The following NCKAP5 variants were observed in gnomAD, a reference collection of about 807,000 sequenced individuals.
The protein encoded by NCKAP5 is NCK associated protein 5.
A neutral mutation model predicts 167.0 loss-of-function variants in NCKAP5; 92 were observed. The ratio of observed to expected loss-of-function variants is 0.55; its 90% CI spans 0.47 to 0.66. The LOEUF is 0.66. Ranked by LOEUF, NCKAP5 falls within the 30% of genes least tolerant of loss-of-function variation. The pLI is 0.00. For missense variants in NCKAP5, 2,378 were observed against 2,315.0 expected (o/e 1.03, Z -0.56); for synonymous variants, 891 against 877.4 (o/e 1.02, Z -0.27).
intron 8 of NCKAP5, among the ~76,000 whole-genome samples, chr2:132,933,769 C>T (rs1225885927): frequency 6.6e-6 from 1 of 152,080 alleles, no homozygotes; most frequent in Non-Finnish European, 1.5e-5. Context: ...GGAGGCCAAC[C>T]TCATTATGAT....
At chr2:133,520,877 T>C (rs1353581588) in intron 2 of NCKAP5, among the ~76,000 whole-genome samples, 2 of 152,192 alleles carry the variant, frequency 1.3e-5, no homozygotes, top group African/African-American at 4.8e-5. Flanking sequence ...GGGCTGACAA[T>C]GGCAACAAGC....
intron 17 of NCKAP5, among the ~76,000 whole-genome samples, chr2:132,729,890 A>G (rs1690818313): frequency 6.6e-6 from 1 of 152,124 alleles, no homozygotes; most frequent in Non-Finnish European, 1.5e-5. Flanking sequence ...AGTGACTTCC[A>G]TTTTTCATAT....
At chr2:133,578,604 C>G in the NCKAP5 span, among the ~76,000 whole-genome samples, 3 of 152,238 alleles carry the variant, frequency 2.0e-5, no homozygotes, top group African/African-American at 7.2e-5. Context: ...CATACTCACT[C>G]CACAGTATCC....
In NCKAP5 at chr2:132,750,968, T is replaced by C. The variant is rs114600368; in HGVS notation, c.5129-18917A>G. On this transcript the variant is annotated intron_variant, in intron 16 of 19. Transcript: ENST00000409261. ...CAGAACATGCTAGGGCTTCAAAGGT[T>C]TGTGACAGCTACATCTGCTTAAATG... Among the ~76,000 whole-genome samples, 1,099 of 152,298 alleles carry C rather than the reference T, an allele frequency of 7.2e-3. 5 individuals carry two copies. Among genetic ancestry groups the C allele is most frequent in the Middle Eastern group, 0.014 (4 of 294 alleles).
chr2:133,169,484 T>C (rs10928442), intron 5 of NCKAP5, among the ~76,000 whole-genome samples: 21,516 of 152,170 alleles, frequency 0.14, 1,707 homozygotes, highest in East Asian at 0.39. Context: ...TCTCGCAGAG[T>C]GTCTCTGCCA....
At chr2:133,013,738 G>A (rs1356535913) in intron 6 of NCKAP5, among the ~76,000 whole-genome samples, 1 of 151,908 alleles carries the variant, frequency 6.6e-6, no homozygotes, top group African/African-American at 2.4e-5. Flanking sequence ...GCCATTAGAG[G>A]CCCTCTGGAC....
chr2:133,534,556 C>A (rs1001821036), intron 2 of NCKAP5, among the ~76,000 whole-genome samples: 2 of 152,166 alleles, frequency 1.3e-5, no homozygotes, highest in Non-Finnish European at 2.9e-5. Context: ...GATTTGTCTA[C>A]TCTGGACACT....
At chr2:133,472,606 C>G (rs1160462994) in intron 3 of NCKAP5, among the ~76,000 whole-genome samples, 2 of 152,090 alleles carry the variant, frequency 1.3e-5, no homozygotes, top group Admixed American at 1.3e-4. Context: ...CAAGCAAGGC[C>G]TTACCTCCCC....
chr2:132,784,898 A>C lies in NCKAP5; in HGVS notation c.1913T>G (p.Val638Gly), dbSNP rs765954784. 2.1e-5 allele frequency: 33 copies of C among 1,569,070 alleles called. No homozygotes were observed. The Admixed American group carries it at 5.9e-4, about 28-fold the overall frequency. The change falls in exon 14 of 20, where the codon GTG (valine) becomes GGG (glycine). Residue 638 changes from valine to glycine, a missense_variant. Transcript: ENST00000409261. The part of the protein sequence containing the change: ...CGSPEEEEKQ[V>G]PIPSETRPKT... Reference sequence around the variant, plus strand: ...TGGCCTAGTCTCTGAAGGGATGGGCACTTGTTTTTCCTCCTCTTCAGGAGA... The same window carrying C: ...TGGCCTAGTCTCTGAAGGGATGGGCCCTTGTTTTTCCTCCTCTTCAGGAGA...
At chr2:133,052,536 G>A (rs2079641028) in intron 6 of NCKAP5, among the ~76,000 whole-genome samples, 1 of 152,024 alleles carries the variant, frequency 6.6e-6, no homozygotes, top group Non-Finnish European at 1.5e-5. Context: ...TGGCCAAAAT[G>A]GCGAAAACTC....
chr2:133,589,486 C>T, the NCKAP5 span, among the ~76,000 whole-genome samples: 1 of 152,090 alleles, frequency 6.6e-6, no homozygotes, highest in Non-Finnish European at 1.5e-5. Flanking sequence ...CAGGGGGATT[C>T]TGGATGCACC....
intron 5 of NCKAP5, among the ~76,000 whole-genome samples, chr2:133,192,127 C>A (rs750920351): frequency 6.6e-6 from 1 of 151,900 alleles, no homozygotes; most frequent in Non-Finnish European, 1.5e-5. Context: ...AATAAAGAAA[C>A]CAGAAATACA....
chr2:132,756,003 T>C (rs1197708521), intron 16 of NCKAP5, among the ~76,000 whole-genome samples: 2 of 152,182 alleles, frequency 1.3e-5, no homozygotes, highest in East Asian at 3.9e-4. Flanking sequence ...ATTAGTAGTA[T>C]TATCTCCATT....
chr2:133,245,195 C>A (rs1266824249), intron 4 of NCKAP5, among the ~76,000 whole-genome samples: 1 of 152,116 alleles, frequency 6.6e-6, no homozygotes, highest in Non-Finnish European at 1.5e-5. Context: ...GCACATTACA[C>A]AGAAGACCCA....
intron 6 of NCKAP5, among the ~76,000 whole-genome samples, chr2:133,037,125 A>G (rs1427293028): frequency 6.6e-6 from 1 of 152,094 alleles, no homozygotes; most frequent in African/African-American, 2.4e-5. Flanking sequence ...TAAAAACTAT[A>G]AAACACAATA....
At chr2:133,611,259 C>T in the NCKAP5 span, among the ~76,000 whole-genome samples, 1 of 151,982 alleles carries the variant, frequency 6.6e-6, no homozygotes. Context: ...CACCCTCAAC[C>T]TCCACCCGCC....
At chr2:132,902,043 G>T (rs1693668275) in intron 8 of NCKAP5, among the ~76,000 whole-genome samples, 1 of 152,004 alleles carries the variant, frequency 6.6e-6, no homozygotes, top group South Asian at 2.1e-4. Context: ...TGTGCATATT[G>T]GTTTTTCCAC....
At chr2:133,621,852 T>C in the NCKAP5 span, among the ~76,000 whole-genome samples, 121 of 152,068 alleles carry the variant, frequency 8.0e-4, 1 homozygote, top group African/African-American at 2.8e-3. Context: ...TACAAACCAA[T>C]ATCCCTGATG....
At chr2:132,720,125 G>A (rs942547750) in intron 19 of NCKAP5, among the ~76,000 whole-genome samples, 14 of 152,136 alleles carry the variant, frequency 9.2e-5, no homozygotes, top group African/African-American at 1.9e-4. Flanking sequence ...TGGCTTGCTC[G>A]CTCCTTCACC....
Sources: allele counts gnomAD v4.1 joint callset (sites outside exome capture counted in the v4.1 genomes callset), GRCh38; gene constraint gnomAD v4.1.1; transcripts MANE v1.5; gene names NCBI Gene and HGNC (gene_info 2026-07-23, HGNC 2026-07-21).